FBLN7: variants seen among roughly 807,000 people sequenced by gnomAD.
FBLN7 encodes the protein fibulin 7.
Under a neutral mutation model 44.0 loss-of-function variants are expected in FBLN7, and 31 were observed. The ratio of observed to expected loss-of-function variants is 0.70; its 90% confidence interval spans 0.53 to 0.95. The LOEUF (loss-of-function observed/expected upper bound fraction) is 0.95, where lower values mean the gene tolerates loss of function less well. FBLN7 is among the 40% of genes least tolerant of loss of function. The pLI is 0.00. For missense variants in FBLN7, 573 were observed against 618.5 expected (o/e 0.93, Z 0.78); for synonymous variants, 262 against 253.4 (o/e 1.03, Z -0.32).
the FBLN7 span, chr2:112,233,113 C>T: frequency 2.8e-5 from 15 of 542,474 alleles, no homozygotes; most frequent in Admixed American, 8.2e-5. Flanking sequence ...AAAAAATCCA[C>T]GTACAATTTA....
chr2:112,197,888 T>C, the FBLN7 span, among the ~76,000 whole-genome samples: 1 of 152,172 alleles, frequency 6.6e-6, no homozygotes. Flanking sequence ...GAAAAAGACA[T>C]GGACTAATTT....
intron 3 of FBLN7, among the ~76,000 whole-genome samples, chr2:112,172,323 G>A (rs1472483225): frequency 5.9e-5 from 9 of 152,150 alleles, no homozygotes; most frequent in Non-Finnish European, 5.9e-5. Flanking sequence ...CTTATCTGAT[G>A]TCTGTTTAGT....
chr2:112,157,355 G>A (rs575235825), intron 1 of FBLN7, among the ~76,000 whole-genome samples: 1 of 152,232 alleles, frequency 6.6e-6, no homozygotes, highest in South Asian at 2.1e-4. Flanking sequence ...GGGTGATAGA[G>A]TGAGACTCTA....
intron 4 of FBLN7, among the ~76,000 whole-genome samples, chr2:112,178,239 AG>A (rs1682821461): frequency 6.6e-6 from 1 of 150,476 alleles, no homozygotes; most frequent in Admixed American, 6.7e-5. Context: ...TGAACACTTT[AG>A]AAAAGTACAA....
At chr2:112,235,356 G>A in the FBLN7 span, among the ~76,000 whole-genome samples, 1 of 152,162 alleles carries the variant, frequency 6.6e-6, no homozygotes, top group Non-Finnish European at 1.5e-5. Context: ...TAGAAGGGCT[G>A]TCAGCTTTGG....
chr2:112,207,464 CAAA>C, the FBLN7 span, among the ~76,000 whole-genome samples: 7 of 79,154 alleles, frequency 8.8e-5, no homozygotes, highest in East Asian at 3.0e-4. Context: ...GACTCCATCT[CAAA>C]AAAAAAAAAA....
At chr2:112,214,558 G>A in the FBLN7 span, 21 of 152,244 alleles carry the variant, frequency 1.4e-4, no homozygotes, top group African/African-American at 4.8e-4. Context: ...GGGGAGCAGA[G>A]GGAAGTAGGA....
At chr2:112,186,930 C>G (rs1683296169) in intron 7 of FBLN7, among the ~76,000 whole-genome samples, 1 of 152,190 alleles carries the variant, frequency 6.6e-6, no homozygotes, top group Non-Finnish European at 1.5e-5. Context: ...TGAGCAGGAA[C>G]AGAAGCAGCA....
intron 1 of FBLN7, among the ~76,000 whole-genome samples, chr2:112,158,002 A>G (rs1573782455): frequency 6.6e-6 from 1 of 150,508 alleles, no homozygotes; most frequent in Admixed American, 6.6e-5. Context: ...GGTTCACGCC[A>G]TTCTCCTGCC....
chr2:112,167,910 G>GTTATGTTATGTTATC (rs1682253357), intron 3 of FBLN7, among the ~76,000 whole-genome samples: 1 of 152,050 alleles, frequency 6.6e-6, no homozygotes, highest in Non-Finnish European at 1.5e-5. Context: ...GTTATGTTAT[G>GTTATGTTATGTTATC]TTATGTTATG....
chr2:112,208,859 A>T, the FBLN7 span, among the ~76,000 whole-genome samples: 3 of 152,212 alleles, frequency 2.0e-5, no homozygotes, highest in Admixed American at 6.5e-5. Flanking sequence ...ATTTGTAATA[A>T]CATAAATATA....
At chr2:112,183,305 G>C (rs77055277) in intron 6 of FBLN7, among the ~76,000 whole-genome samples, 9 of 152,316 alleles carry the variant, frequency 5.9e-5, no homozygotes, top group African/African-American at 2.2e-4. Flanking sequence ...GAGACTCCAT[G>C]ACCCTGTGTC....
chr2:112,161,048 C>T (rs1354198263), intron 2 of FBLN7, among the ~76,000 whole-genome samples: 9 of 152,206 alleles, frequency 5.9e-5, no homozygotes, highest in Non-Finnish European at 1.2e-4. Flanking sequence ...CCCAGACTCC[C>T]TCCCATGAGG....
At chr2:112,164,036 C>T (rs148454574) in intron 2 of FBLN7, among the ~76,000 whole-genome samples, 1 of 152,310 alleles carries the variant, frequency 6.6e-6, no homozygotes, top group East Asian at 1.9e-4. Context: ...ATGATGCCCT[C>T]TCTCCAGCAT....
chr2:112,234,085 C>T, the FBLN7 span: 1 of 1,229,974 alleles, frequency 8.1e-7, no homozygotes, highest in Non-Finnish European at 1.1e-6. Flanking sequence ...AGCAGTTTTA[C>T]ATTTTAGTAG....
chr2:112,232,420 T>G, the FBLN7 span, among the ~76,000 whole-genome samples: 1 of 152,176 alleles, frequency 6.6e-6, no homozygotes, highest in African/African-American at 2.4e-5. Context: ...AATCTAATTT[T>G]AGAAGGACTA....
downstream of FBLN7, among the ~76,000 whole-genome samples, chr2:112,191,370 T>A (rs1683483568): frequency 6.6e-6 from 1 of 152,038 alleles, no homozygotes; most frequent in Admixed American, 6.6e-5. Context: ...GAGACAGGGT[T>A]TTGCCACGTT....
intron 1 of FBLN7, among the ~76,000 whole-genome samples, chr2:112,155,225 G>T (rs188316063): frequency 1.3e-5 from 2 of 152,290 alleles, no homozygotes; most frequent in Non-Finnish European, 2.9e-5. Context: ...CATAATGTGG[G>T]TCTCATGGGT....
At chr2:112,160,617 C>T (rs1395517233) in intron 2 of FBLN7, among the ~76,000 whole-genome samples, 2 of 152,010 alleles carry the variant, frequency 1.3e-5, no homozygotes, top group Non-Finnish European at 1.5e-5. Context: ...CACTGCGTTC[C>T]TCCACACCCT....
Sources: allele counts gnomAD v4.1 joint callset (sites outside exome capture counted in the v4.1 genomes callset), GRCh38; gene constraint gnomAD v4.1.1; transcripts MANE v1.5; gene names NCBI Gene and HGNC (gene_info 2026-07-23, HGNC 2026-07-21).